The following ZEB2 variants were observed in gnomAD, a reference collection of about 807,000 sequenced individuals.
ZEB2 encodes zinc finger E-box-binding homeobox 2.
A neutral mutation model predicts 99.9 loss-of-function variants in ZEB2; 6 were observed. That is an observed-to-expected ratio of 0.06 (90% CI 0.03 to 0.12). The LOEUF is 0.12. ZEB2 is among the 10% of genes least tolerant of loss of function. The probability of loss-of-function intolerance (pLI) is 1.00; values close to 1 mark genes in which losing one functional copy is unlikely to be tolerated. For missense variants in ZEB2, 969 were observed against 1,502.8 expected (o/e 0.64, Z 5.87); for synonymous variants, 517 against 542.5 (o/e 0.95, Z 0.65).
intron 2 of ZEB2, chr2:144,511,242 T>C (rs1385296810): frequency 3.2e-6 from 1 of 316,646 alleles, no homozygotes; most frequent in Non-Finnish European, 5.3e-6. Context: ...GTGGGCTACA[T>C]ATATGCATAA....
chr2:144,413,632 C>G (rs1399419815), intron 4 of ZEB2, among the ~76,000 whole-genome samples: 1 of 152,190 alleles, frequency 6.6e-6, no homozygotes, highest in Non-Finnish European at 1.5e-5. Context: ...GCAGACAAAA[C>G]TCTTCCAACC....
intron 2 of ZEB2, among the ~76,000 whole-genome samples, chr2:144,509,050 C>T (rs1704991822): frequency 6.6e-6 from 1 of 151,864 alleles, no homozygotes; most frequent in South Asian, 2.1e-4. Context: ...AATTAAACCA[C>T]ATTGTTTTAA....
chr2:144,444,852 T>C (rs1703962507), intron 2 of ZEB2: 1 of 152,198 alleles, frequency 6.6e-6, no homozygotes, highest in South Asian at 2.1e-4. Context: ...GTTCAGTCGG[T>C]GAGGGGGAAC....
chr2:144,406,167 T>A (rs1703383793), intron 4 of ZEB2, among the ~76,000 whole-genome samples: 1 of 140,044 alleles, frequency 7.1e-6, no homozygotes, highest in South Asian at 2.2e-4. Flanking sequence ...AGCTAGGCAA[T>A]TTTTTTTTTT....
intron 2 of ZEB2, among the ~76,000 whole-genome samples, chr2:144,489,167 CT>C (rs1704641734): frequency 6.6e-6 from 1 of 152,152 alleles, no homozygotes; most frequent in African/African-American, 2.4e-5. Flanking sequence ...ATCAGTCCCT[CT>C]TTTCTCAGAA....
At chr2:144,408,111 C>A (rs906236356) in intron 4 of ZEB2, among the ~76,000 whole-genome samples, 1 of 152,124 alleles carries the variant, frequency 6.6e-6, no homozygotes, top group African/African-American at 2.4e-5. Flanking sequence ...TGCTAGATTT[C>A]TATGTCAAGT....
chr2:144,490,655 G>A (rs1314254135), intron 2 of ZEB2, among the ~76,000 whole-genome samples: 1 of 152,134 alleles, frequency 6.6e-6, no homozygotes, highest in African/African-American at 2.4e-5. Context: ...AAAGAGCCTC[G>A]ATGAAAGTGA....
chr2:144,517,500 A>G, intron 1 of ZEB2, 81 bp from the exon 2 acceptor site: 1 of 944,806 alleles, frequency 1.1e-6, no homozygotes, highest in South Asian at 1.4e-5. Context: ...GAGCCGGGCC[A>G]GGGCCCCGGC....
chr2:144,430,049 ACT>A (rs1560621075), intron 2 of ZEB2, 23 bp from the exon 3 acceptor site: 2 of 1,610,096 alleles, frequency 1.2e-6, no homozygotes, highest in Non-Finnish European at 1.7e-6. Context: ...CACAAAACAC[ACT>A]CTCTAAACAC....
intron 2 of ZEB2, chr2:144,503,701 T>A (rs1704907143): frequency 6.6e-6 from 1 of 152,064 alleles, no homozygotes; most frequent in South Asian, 2.1e-4. Flanking sequence ...GTAAAAGCAA[T>A]TATACAAGTT....
At position 144,498,078 on chromosome 2, in the gene ZEB2, ATT is replaced by A. The variant is rs1491284895; in HGVS notation, c.73+19198_73+19199del. On this transcript the variant is annotated intron_variant, in intron 2 of 9. Coordinates refer to ENST00000627532, the MANE Select transcript of ZEB2 (RefSeq NM_014795.4). ...TATATAATATATATTAATATTATAT[ATT>A]ATATAATATATATTAATATTATATA... Among the ~76,000 whole-genome samples the A allele has an allele frequency of 2.1e-5, 2 of 94,372 alleles. 1 individual carries two copies. Among genetic ancestry groups the A allele is most frequent in the African/African-American group, 8.5e-5 (2 of 23,544 alleles). The allele number at this position is 94,372 out of a possible 152,430, so 61.9% of individuals were successfully genotyped here.
rs905118258 is a variant in ZEB2, at chr2:144,396,496, C to T, written c.2983G>A (p.Glu995Lys). The T allele has an allele frequency of 6.2e-7, 1 of 1,614,048 alleles. No homozygotes were observed. Among genetic ancestry groups the T allele is most frequent in the African/African-American group, 1.3e-5 (1 of 74,932 alleles). ...CLSRKKIKKT[E>K]SGMYACDLCD... ...AAGTCACATGCATACATGCCACTCT[C>T]TGTCTTCTTGATCTTTTTGCGAGAC... The change falls in exon 9 of 10, where the codon GAG becomes AAG. Residue 995 changes from glutamate (E) to lysine (K), a missense_variant. This residue lies in a region of ZEB2 where 346 missense variants were observed against 460.0 expected (regional missense o/e 0.75). Transcript: ENST00000627532.
At chr2:144,436,617 C>T (rs558810350) in intron 2 of ZEB2, among the ~76,000 whole-genome samples, 3 of 152,258 alleles carry the variant, frequency 2.0e-5, no homozygotes, top group Non-Finnish European at 4.4e-5. Flanking sequence ...TTCCCTGGTA[C>T]CTGGGAGAGG....
intron 4 of ZEB2, among the ~76,000 whole-genome samples, chr2:144,414,563 A>G (rs1403703294): frequency 6.6e-6 from 1 of 152,100 alleles, no homozygotes; most frequent in Non-Finnish European, 1.5e-5. Flanking sequence ...TCATTAGAAG[A>G]AAGGGCAGGG....
Position 144,384,848 on chromosome 2 carries a change from A to G in ZEB2, c.*4603T>C, listed in dbSNP as rs757098887. The G allele has an allele frequency of 1.4e-4, 22 of 152,140 alleles. No individual in the cohort carries two copies. Among genetic ancestry groups the G allele is most frequent in the Non-Finnish European group, 2.6e-4 (18 of 67,998 alleles). The allele number at this position is 152,140 out of a possible 1,614,324, so 9.4% of individuals were successfully genotyped here. The stretch of plus-strand genomic sequence containing the variant: ...CCTTCAGTCTGAATCTTTTTTTATG[A>G]TGGGCACAAGCCATGTATTTTCTTC... On this transcript the variant is annotated 3_prime_UTR_variant, in exon 10 of 10. Coordinates refer to ENST00000627532, the MANE Select transcript of ZEB2 (RefSeq NM_014795.4).
rs139073754 is a variant in ZEB2, at chr2:144,472,463, C to T, written c.74-42437G>A. Among the ~76,000 whole-genome samples the T allele has an allele frequency of 2.2e-3, 334 of 151,980 alleles. 4 individuals are homozygous for T. Among genetic ancestry groups the T allele is most frequent in the Admixed American group, 0.018 (273 of 15,254 alleles). ...TTGAAGCGGGGTGTGATTGGGGAGT[C>T]CTATGAGATATGATAATAATACTAA... On this transcript the variant is annotated intron_variant, in intron 2 of 9. Coordinates refer to ENST00000627532, the MANE Select transcript of ZEB2 (RefSeq NM_014795.4).
In ZEB2 at chr2:144,509,490, G is replaced by A. The variant is rs1425460074; in HGVS notation, c.73+7788C>T. On this transcript the variant is annotated intron_variant, in intron 2 of 9. Transcript: ENST00000627532. ...TGTTCGCACAACTTCTAATATATCC[G>A]TTAGTTTTGCTCTTATAAGTGAAAT... is the stretch of plus-strand genomic sequence containing the variant. Among the ~76,000 whole-genome samples the A allele has an allele frequency of 2.6e-5, 4 of 152,098 alleles. No individual in the cohort carries two copies. The East Asian group carries it at 5.8e-4, about 22-fold the overall frequency.
chr2:144,504,731 T>C (rs1284552653), intron 2 of ZEB2: 1 of 152,170 alleles, frequency 6.6e-6, no homozygotes, highest in Non-Finnish European at 1.5e-5. Context: ...CCCTCAGAAA[T>C]TGTAACTGTC....
Position 144,426,547 on chromosome 2 carries a change from G to A in ZEB2, c.332-1680C>T, listed in dbSNP as rs1573741071. On this transcript the variant is annotated intron_variant, in intron 3 of 9. Coordinates refer to ENST00000627532, the MANE Select transcript of ZEB2 (RefSeq NM_014795.4). ...AATAGTGGTAATGTTCAAGATTTCT[G>A]CTGCACTTCCTTCCTCATTGTCATT... 3.3e-5 allele frequency: 5 copies of A among 149,388 alleles called. No individual in the cohort carries two copies. In the South Asian group the frequency reaches 1.1e-3, roughly 32 times the overall value. 9.3% of individuals were successfully genotyped at this position (149,388 alleles called of 1,614,324 possible). A position where few individuals can be genotyped will look rare whatever the true frequency, so the allele number is the denominator to read the frequency against.
Sources: gnomAD v4.1 joint callset for allele counts (sites outside exome capture counted in the v4.1 genomes callset) on GRCh38, gnomAD v4.1.1 for gene constraint, gnomAD v4.1.1 regional missense constraint, MANE v1.5 for transcripts, NCBI Gene and HGNC (gene_info 2026-07-23, HGNC 2026-07-21) for gene names.